Variants in MDGA2 observed in about 807,000 individuals in gnomAD.
The protein encoded by MDGA2 is MAM domain-containing glycosylphosphatidylinositol anchor protein 2.
In MDGA2, 40 loss-of-function variants were observed where a neutral mutation model predicts 117.8. The ratio of observed to expected loss-of-function variants is 0.34; its 90% CI spans 0.26 to 0.44. The LOEUF is 0.44. Ranked by LOEUF, MDGA2 falls within the 20% of genes least tolerant of loss-of-function variation. MDGA2 has a pLI of 1.00. For synonymous variants in MDGA2, 452 were observed against 439.0 expected, an observed-to-expected ratio of 1.03 and a Z score of -0.37; for missense variants, 1,123 against 1,250.6, an observed-to-expected ratio of 0.90 and a Z score of 1.54.
intron 1 of MDGA2, among the ~76,000 whole-genome samples, chr14:47,449,955 T>C (rs987762141): frequency 6.6e-6 from 1 of 152,132 alleles, no homozygotes; most frequent in African/African-American, 2.4e-5. Context: ...CATTGACAGA[T>C]AGACAACCTA....
At chr14:47,344,118 C>T (rs1260476529) in intron 1 of MDGA2, among the ~76,000 whole-genome samples, 1 of 152,120 alleles carries the variant, frequency 6.6e-6, no homozygotes, top group Admixed American at 6.5e-5. Flanking sequence ...CTTCTGCCTT[C>T]TTTATTCTTG....
At chr14:47,145,090 C>G (rs1185838259) in intron 3 of MDGA2, among the ~76,000 whole-genome samples, 1 of 151,792 alleles carries the variant, frequency 6.6e-6, no homozygotes, top group East Asian at 1.9e-4. Flanking sequence ...ATTTTATATT[C>G]CAGATTATAT....
intron 10 of MDGA2, among the ~76,000 whole-genome samples, chr14:46,904,753 G>T (rs1883425290): frequency 6.6e-6 from 1 of 152,182 alleles, no homozygotes; most frequent in African/African-American, 2.4e-5. Flanking sequence ...CATAAATAAT[G>T]AAAACTTACA....
chr14:46,984,612 CCA>C (rs1886799507), intron 8 of MDGA2, among the ~76,000 whole-genome samples: 1 of 151,862 alleles, frequency 6.6e-6, no homozygotes, highest in South Asian at 2.1e-4. Context: ...TCCATCAATT[CCA>C]CAGTTATAAT....
chr14:46,889,877 G>C (rs1882813290), intron 10 of MDGA2, among the ~76,000 whole-genome samples: 1 of 152,044 alleles, frequency 6.6e-6, no homozygotes, highest in East Asian at 1.9e-4. Context: ...ATGTTGGGAA[G>C]TGAGCATGCA....
intron 5 of MDGA2, among the ~76,000 whole-genome samples, chr14:47,108,280 GTTTT>G (rs1486992876): frequency 6.6e-6 from 1 of 152,068 alleles, no homozygotes; most frequent in Non-Finnish European, 1.5e-5. Flanking sequence ...ACACTATTTT[GTTTT>G]ATTTTTCTTA....
intron 1 of MDGA2, among the ~76,000 whole-genome samples, chr14:47,467,314 T>C (rs1235363693): frequency 6.6e-6 from 1 of 152,046 alleles, no homozygotes; most frequent in Non-Finnish European, 1.5e-5. Flanking sequence ...TATGCTAGAA[T>C]GCAAACTGCA....
At chr14:47,365,107 A>G (rs1206799085) in intron 1 of MDGA2, among the ~76,000 whole-genome samples, 1 of 152,238 alleles carries the variant, frequency 6.6e-6, no homozygotes, top group African/African-American at 2.4e-5. Flanking sequence ...TTGGGGAACT[A>G]AACAGTTGCC....
chr14:47,560,612 C>T (rs1390459585), intron 1 of MDGA2, among the ~76,000 whole-genome samples: 1 of 152,052 alleles, frequency 6.6e-6, no homozygotes, highest in Admixed American at 6.5e-5. Context: ...GATATTAGAC[C>T]TTTGTCAGGT....
At chr14:46,852,598 T>C (rs1238874212) in intron 15 of MDGA2, among the ~76,000 whole-genome samples, 1 of 151,776 alleles carries the variant, frequency 6.6e-6, no homozygotes, top group East Asian at 1.9e-4. Context: ...TACCCAATAC[T>C]TGGGAAAGAA....
At chr14:47,320,769 A>C (rs1210515958) in intron 1 of MDGA2, among the ~76,000 whole-genome samples, 1 of 152,154 alleles carries the variant, frequency 6.6e-6, no homozygotes, top group Non-Finnish European at 1.5e-5. Context: ...TGGTTATAAA[A>C]TCTGAATTTA....
intron 1 of MDGA2, among the ~76,000 whole-genome samples, chr14:47,428,375 T>C (rs2416072): frequency 1 from 152,201 of 152,252 alleles, 76,075 homozygotes; most frequent in Non-Finnish European, 1. Context: ...CTTTACACTA[T>C]AGTAGTACAG....
rs117657679 is a variant in MDGA2 at position 46,963,216 on chromosome 14, A to C, written c.1820-5573T>G. Among the ~76,000 whole-genome samples the C allele has an allele frequency of 3.7e-4, 56 of 152,284 alleles. No homozygotes were observed. The East Asian group carries it at 8.3e-3, about 23-fold the overall frequency. The stretch of plus-strand genomic sequence containing the variant: ...ATTATTTATGATGATTCTACCTTAA[A>C]ATATATTAGGAGCTTATACATTTGT... On this transcript the variant is annotated intron_variant, in intron 8 of 16. Transcript: ENST00000399232.
At chr14:47,663,658 T>C (rs1018504864) in intron 1 of MDGA2, among the ~76,000 whole-genome samples, 2 of 152,212 alleles carry the variant, frequency 1.3e-5, no homozygotes, top group African/African-American at 4.8e-5. Context: ...AATGATTAGG[T>C]GACTGGGTGG....
intron 8 of MDGA2, among the ~76,000 whole-genome samples, chr14:47,027,102 C>T (rs1023300556): frequency 6.6e-6 from 1 of 151,596 alleles, no homozygotes; most frequent in African/African-American, 2.4e-5. Context: ...GGAGTTGAGG[C>T]TATATAAGCT....
intron 3 of MDGA2, among the ~76,000 whole-genome samples, chr14:47,158,388 G>A (rs962394693): frequency 6.6e-6 from 1 of 151,594 alleles, no homozygotes; most frequent in African/African-American, 2.4e-5. Context: ...GTGTGTGTGT[G>A]TGTGTGTGTG....
intron 14 of MDGA2, among the ~76,000 whole-genome samples, chr14:46,863,314 T>A (rs1439781780): frequency 6.6e-6 from 1 of 152,170 alleles, no homozygotes; most frequent in Non-Finnish European, 1.5e-5. Flanking sequence ...ACTTTCTGAC[T>A]TTTATTTTAT....
At position 47,594,062 on chromosome 14, in the gene MDGA2, C is replaced by A. The variant is rs1273162154; in HGVS notation, c.280+80455G>T. ...CTAGGACTTTTCAGGATAAAACTTA[C>A]AATTTTTTCAAAATAAATCAATCAG... On this transcript the variant is annotated intron_variant, in intron 1 of 16. Transcript: ENST00000399232. 2.6e-5 allele frequency among the ~76,000 whole-genome samples: 4 copies of A among 152,092 alleles called. No individual in the cohort carries two copies. In the East Asian group the frequency reaches 7.7e-4, roughly 29 times the overall value.
intron 3 of MDGA2, among the ~76,000 whole-genome samples, chr14:47,157,579 T>A (rs1883440545): frequency 6.6e-6 from 1 of 150,380 alleles, no homozygotes; most frequent in East Asian, 2.0e-4. Flanking sequence ...TATAAATTTT[T>A]AAACTATGTA....
Sources: allele counts gnomAD v4.1 joint callset (sites outside exome capture counted in the v4.1 genomes callset), GRCh38; gene constraint gnomAD v4.1.1; transcripts MANE v1.5; gene names NCBI Gene and HGNC (gene_info 2026-07-23, HGNC 2026-07-21).